The following MCPH1 variants were observed in gnomAD, a reference collection of about 807,000 sequenced individuals.
MCPH1 encodes microcephalin.
In MCPH1, 104 loss-of-function variants were observed where a neutral mutation model predicts 84.5. The observed-to-expected ratio is 1.23, with a 90% CI of 1.05 to 1.45. The LOEUF is 1.45. MCPH1 is among the 40% of genes most tolerant of loss of function. MCPH1 has a pLI of 0.00. For synonymous variants in MCPH1, 514 were observed against 366.8 expected (o/e 1.40, Z -4.58); for missense variants, 1,498 against 1,005.7 (o/e 1.49, Z -6.62).
intron 1 of MCPH1, among the ~76,000 whole-genome samples, chr8:6,406,910 C>T (rs1797794164): frequency 9.1e-6 from 1 of 110,404 alleles, no homozygotes; most frequent in African/African-American, 3.5e-5. Context: ...CCCAAAACCC[C>T]CGGCTGCCTG....
intron 12 of MCPH1, among the ~76,000 whole-genome samples, chr8:6,588,221 G>A (rs980210119): frequency 6.6e-6 from 1 of 152,114 alleles, no homozygotes; most frequent in Admixed American, 6.5e-5. Context: ...GTCCAGGAAG[G>A]GAATAGCAGC....
In MCPH1 at chr8:6,458,609, T is replaced by C. The variant is rs184082934; in HGVS notation, c.1935+3357T>C. On this transcript the variant is annotated intron_variant, in intron 9 of 13. Coordinates refer to ENST00000344683, the MANE Select transcript of MCPH1 (RefSeq NM_024596.5). ...TTTTACAGGTTAGAAGGAAGAATGA[T>C]ATAAATTTCTTAAAAGGTAACATTA... 2.1e-4 allele frequency among the ~76,000 whole-genome samples: 32 copies of C among 152,284 alleles called. No homozygotes were observed. The East Asian group carries it at 5.8e-3, about 28-fold the overall frequency.
rs1798169798 is a variant in MCPH1, at chr8:6,645,425, G to C, written c.*2376G>C. 1 of 151,836 alleles carries C rather than the reference G, an allele frequency of 6.6e-6. No homozygotes were observed. The highest frequency in any genetic ancestry group is 1.5e-5 in the Non-Finnish European group (1 of 67,990). 9.4% of individuals were successfully genotyped at this position (151,836 alleles called of 1,614,324 possible). A position where few individuals can be genotyped will look rare whatever the true frequency, so the allele number is the denominator to read the frequency against. Reference sequence around the variant, plus strand: ...TAGGGCTAGAGGTTCTCAGGATTCTGAATTTTAAAAAAAATTTGTAAAGGC... The same window carrying C: ...TAGGGCTAGAGGTTCTCAGGATTCTCAATTTTAAAAAAAATTTGTAAAGGC... On this transcript the variant is annotated 3_prime_UTR_variant, in exon 14 of 14. Coordinates refer to ENST00000344683, the MANE Select transcript of MCPH1 (RefSeq NM_024596.5).
chr8:6,525,344 C>T (rs1461218661), intron 12 of MCPH1, among the ~76,000 whole-genome samples: 1 of 152,176 alleles, frequency 6.6e-6, no homozygotes, highest in Non-Finnish European at 1.5e-5. Flanking sequence ...ATCCACCTGC[C>T]TCAGCCATCC....
chr8:6,587,178 G>A (rs556295606), intron 12 of MCPH1, among the ~76,000 whole-genome samples: 115 of 152,170 alleles, frequency 7.6e-4, no homozygotes, highest in Non-Finnish European at 1.2e-3. Context: ...GTCTGATGCC[G>A]CTTTTATAAA....
chr8:6,423,716 G>A (rs1585663635), intron 3 of MCPH1, among the ~76,000 whole-genome samples: 1 of 152,072 alleles, frequency 6.6e-6, no homozygotes, highest in Non-Finnish European at 1.5e-5. Flanking sequence ...CCCCAAAGTG[G>A]GCTGTTCATT....
intron 12 of MCPH1, among the ~76,000 whole-genome samples, chr8:6,552,947 G>C (rs374491900): frequency 6.6e-6 from 1 of 152,196 alleles, no homozygotes; most frequent in Non-Finnish European, 1.5e-5. Flanking sequence ...GTTTGCCAGG[G>C]GTTAAGGGGA....
intron 9 of MCPH1, among the ~76,000 whole-genome samples, chr8:6,467,164 G>A (rs187840685): frequency 2.6e-3 from 389 of 152,270 alleles, no homozygotes; most frequent in African/African-American, 7.6e-3. Context: ...GTGACTTTTG[G>A]ATAGACTTAA....
In MCPH1 at chr8:6,468,648, T is replaced by G. The variant is rs1263517157; in HGVS notation, c.1936-8946T>G. Among the ~76,000 whole-genome samples the G allele has an allele frequency of 3.3e-3, 462 of 141,910 alleles. 5 individuals carry two copies. The highest frequency in any genetic ancestry group is 0.013 in the African/African-American group (449 of 34,978). The allele number at this position is 141,910 out of a possible 152,430, so 93.1% of individuals were successfully genotyped here. On this transcript the variant is annotated intron_variant, in intron 9 of 13. Coordinates refer to ENST00000344683, the MANE Select transcript of MCPH1 (RefSeq NM_024596.5). ...CTACTTGGATGTACATTTTTTTGGT[T>G]TTTTTTTTTTTTTGCTATGAAAATT...
chr8:6,551,624 G>C (rs1350566003), intron 12 of MCPH1, among the ~76,000 whole-genome samples: 1 of 152,116 alleles, frequency 6.6e-6, no homozygotes, highest in Non-Finnish European at 1.5e-5. Context: ...CACTGGTGCA[G>C]TTAAGTTAAA....
intron 12 of MCPH1, among the ~76,000 whole-genome samples, chr8:6,525,622 A>G (rs888995610): frequency 6.6e-6 from 1 of 152,214 alleles, no homozygotes; most frequent in Non-Finnish European, 1.5e-5. Context: ...CACCATTTGC[A>G]TATTTTTGTA....
At chr8:6,587,392 G>A (rs1351688751) in intron 12 of MCPH1, among the ~76,000 whole-genome samples, 3 of 151,962 alleles carry the variant, frequency 2.0e-5, no homozygotes, top group African/African-American at 4.8e-5. Context: ...CAGCTTTATG[G>A]GGTATAATTT....
chr8:6,467,274 C>T (rs972965553), intron 9 of MCPH1, among the ~76,000 whole-genome samples: 6 of 152,190 alleles, frequency 3.9e-5, no homozygotes, highest in Non-Finnish European at 7.3e-5. Flanking sequence ...TGAAGCGCTT[C>T]TTATTCTGGT....
rs1831402418 is a variant in MCPH1 at position 6,621,440 on chromosome 8, T to C, written c.2215-14T>C. 1.2e-6 allele frequency: 2 copies of C among 1,613,588 alleles called. No homozygotes were observed. Among genetic ancestry groups the C allele is most frequent in the African/African-American group, 1.3e-5 (1 of 74,924 alleles). On this transcript the variant is annotated splice_polypyrimidine_tract_variant and intron_variant, in intron 12 of 13. Coordinates refer to ENST00000344683, the MANE Select transcript of MCPH1 (RefSeq NM_024596.5). ...GGTCCCACCTCTGTAATTCTATCTC[T>C]GTCTGCCCCACAGCTGTGCCGAAGC...
At chr8:6,602,425 G>A (rs925894602) in intron 12 of MCPH1, among the ~76,000 whole-genome samples, 3 of 152,126 alleles carry the variant, frequency 2.0e-5, no homozygotes, top group African/African-American at 7.2e-5. Context: ...CTGAGCCTCA[G>A]CAGTGTCTGT....
chr8:6,631,021 C>G (rs939562644), intron 13 of MCPH1, among the ~76,000 whole-genome samples: 3 of 152,106 alleles, frequency 2.0e-5, no homozygotes, highest in African/African-American at 4.8e-5. Flanking sequence ...TGCAGGTGCT[C>G]TAAAAGGTGC....
At chr8:6,441,391 T>C (rs1803488348) in intron 6 of MCPH1, among the ~76,000 whole-genome samples, 1 of 75,388 alleles carries the variant, frequency 1.3e-5, no homozygotes, top group African/African-American at 2.7e-5. Context: ...TTATCTTGGT[T>C]TATTCTCTTT....
At chr8:6,435,797 C>G (rs1264190893) in intron 4 of MCPH1, among the ~76,000 whole-genome samples, 2 of 152,110 alleles carry the variant, frequency 1.3e-5, no homozygotes, top group Non-Finnish European at 1.5e-5. Flanking sequence ...ACTAAGAATG[C>G]TAGGATCATG....
chr8:6,636,675 A>G (rs1797579052), intron 13 of MCPH1, among the ~76,000 whole-genome samples: 1 of 152,162 alleles, frequency 6.6e-6, no homozygotes, highest in African/African-American at 2.4e-5. Context: ...ACTATTTAAA[A>G]TACTGTATAA....
Sources: gnomAD v4.1 joint callset for allele counts (sites outside exome capture counted in the v4.1 genomes callset) on GRCh38, gnomAD v4.1.1 for gene constraint, MANE v1.5 for transcripts, NCBI Gene and HGNC (gene_info 2026-07-23, HGNC 2026-07-21) for gene names.